The following HEATR3 variants were observed in gnomAD, a reference collection of about 807,000 sequenced individuals.
HEATR3 encodes the protein HEAT repeat-containing protein 3.
A neutral mutation model predicts 72.8 loss-of-function variants in HEATR3; 56 were observed. That is an observed-to-expected ratio of 0.77 (90% CI 0.62 to 0.96). HEATR3 has a LOEUF of 0.96. HEATR3 is among the 40% of genes least tolerant of loss of function. HEATR3 has a pLI of 0.00. For synonymous variants in HEATR3, 331 were observed against 318.1 expected, an observed-to-expected ratio of 1.04 and a Z score of -0.43; for missense variants, 747 against 831.4, an observed-to-expected ratio of 0.90 and a Z score of 1.25.
At chr16:50,094,670 A>G (rs751612756) in intron 11 of HEATR3, 35 bp from the exon 12 acceptor site, 1 of 1,308,596 alleles carries the variant, frequency 7.6e-7, no homozygotes, top group Non-Finnish European at 1.1e-6. Context: ...TATCTTGGAG[A>G]AATGCAAATT....
In HEATR3 at chr16:50,078,211, G is replaced by A. The variant is rs2036783791; in HGVS notation, c.764-530G>A. 2.0e-5 allele frequency among the ~76,000 whole-genome samples: 3 copies of A among 152,134 alleles called. No homozygotes were observed. In the South Asian group the frequency reaches 6.2e-4, roughly 32 times the overall value. Reference sequence around the variant, plus strand: ...TAATCTGTTCAAGTCCCTGCTTTCAGTTCTTTTGGGTTTATAGTCAGGAGG... The same window carrying A: ...TAATCTGTTCAAGTCCCTGCTTTCAATTCTTTTGGGTTTATAGTCAGGAGG... On this transcript the variant is annotated intron_variant, in intron 6 of 14. Coordinates refer to ENST00000299192, the MANE Select transcript of HEATR3 (RefSeq NM_182922.4).
At chr16:50,091,568 A>G (rs1039902741) in intron 11 of HEATR3, among the ~76,000 whole-genome samples, 30 of 152,104 alleles carry the variant, frequency 2.0e-4, no homozygotes. Context: ...GACATGCTAC[A>G]AATTCTTAAA....
At chr16:50,086,577 G>A (rs1312281476) in intron 11 of HEATR3, among the ~76,000 whole-genome samples, 1 of 152,162 alleles carries the variant, frequency 6.6e-6, no homozygotes, top group African/African-American at 2.4e-5. Flanking sequence ...TTTGCATCCA[G>A]TTATATCAGG....
intron 3 of HEATR3, 37 bp from the exon 4 acceptor site, chr16:50,070,141 T>G (rs749337296): frequency 1.1e-5 from 11 of 1,045,524 alleles, no homozygotes; most frequent in Non-Finnish European, 1.0e-5. Context: ...TAATTCTTCT[T>G]AGGAACCAGG....
chr16:50,078,662 A>G, intron 6 of HEATR3, 79 bp from the exon 7 acceptor site: 1 of 1,412,000 alleles, frequency 7.1e-7, no homozygotes, highest in Admixed American at 2.5e-5. Flanking sequence ...TGGCCTTAAA[A>G]GCTCCAGTCT....
intron 5 of HEATR3, among the ~76,000 whole-genome samples, chr16:50,075,183 G>A (rs1363668389): frequency 6.6e-6 from 1 of 151,734 alleles, no homozygotes; most frequent in Admixed American, 6.6e-5. Context: ...CAGGCATCAT[G>A]GCGCATACCT....
At chr16:50,093,302 T>TAAC (rs1420684610) in intron 11 of HEATR3, among the ~76,000 whole-genome samples, 1 of 152,170 alleles carries the variant, frequency 6.6e-6, no homozygotes, top group South Asian at 2.1e-4. Context: ...CTCTGTGACT[T>TAAC]AACAACAACA....
At chr16:50,100,463 C>G in intron 13 of HEATR3, 90 bp downstream of exon 13, 1 of 1,309,090 alleles carries the variant, frequency 7.6e-7, no homozygotes, top group Non-Finnish European at 1.1e-6. Flanking sequence ...CTTGTGTGGA[C>G]TTGAAGAGAA....
chr16:50,066,617 C>T, intron 2 of HEATR3, 78 bp downstream of exon 2: 2 of 1,208,812 alleles, frequency 1.7e-6, no homozygotes, highest in Non-Finnish European at 2.1e-6. Flanking sequence ...GCAGCGGTCA[C>T]CCAGCGCCTT....
Position 50,078,920 on chromosome 16 carries a change from A to T in HEATR3, c.943A>T (p.Asn315Tyr). 1 of 1,613,978 alleles carries T rather than the reference A, an allele frequency of 6.2e-7. No individual in the cohort carries two copies. Among genetic ancestry groups the T allele is most frequent in the East Asian group, 2.2e-5 (1 of 44,870 alleles). ...TGCAGAGGCTGAGGAAATATTAGAG[A>T]ACACTAATGGGGATGATTTGATTGA... ...TAAEAEEILE[N>Y]TNGDDLIEDD... The change falls in exon 7 of 15, where the codon AAC becomes TAC. Residue 315 changes from asparagine to tyrosine, a missense_variant. By Grantham distance (143) the Asn-to-Tyr change is moderately radical (BLOSUM62 -2). Transcript: ENST00000299192.
chr16:50,090,103 C>T (rs1255274529), intron 11 of HEATR3, among the ~76,000 whole-genome samples: 1 of 152,130 alleles, frequency 6.6e-6, no homozygotes, highest in Non-Finnish European at 1.5e-5. Context: ...CACCTGAAGT[C>T]CCAGCACTTT....
chr16:50,093,047 G>GCTGA (rs1186034014), intron 11 of HEATR3, among the ~76,000 whole-genome samples: 4 of 152,302 alleles, frequency 2.6e-5, no homozygotes, highest in Non-Finnish European at 5.9e-5. Context: ...CTATCCTAGG[G>GCTGA]CTGAGTGTGT....
At chr16:50,102,117 T>G in intron 13 of HEATR3, 142 bp from the exon 14 acceptor site, 2 of 599,500 alleles carry the variant, frequency 3.3e-6, no homozygotes, top group Non-Finnish European at 5.8e-6. Context: ...TTTATAAGTA[T>G]TTAAGTCTAA....
chr16:50,066,392 G>A lies in HEATR3; in HGVS notation c.164G>A (p.Arg55His). 6.5e-7 allele frequency: 1 copy of A among 1,548,828 alleles called. No individual in the cohort carries two copies. The highest frequency in any genetic ancestry group is 1.2e-5 in the South Asian group (1 of 85,438). The change falls in exon 2 of 15, where the codon CGC becomes CAC. Residue 55 changes from arginine (R) to histidine (H), a missense_variant. Arg to His is a conservative substitution (Grantham distance 29). This residue lies in a region of HEATR3 where 161 missense variants were observed against 122.6 expected (regional missense o/e 1.31). Coordinates refer to ENST00000299192, the MANE Select transcript of HEATR3 (RefSeq NM_182922.4). ...EKLQHPSAEVRECACAGLARL... is the reference protein window; with the variant it reads ...EKLQHPSAEVHECACAGLARL... ...CTCCAGCACCCGAGCGCCGAGGTCC[G>A]CGAGTGCGCCTGCGCAGGGCTGGCC...
Position 50,100,352 on chromosome 16 carries a change from T to C in HEATR3, c.1722T>C (p.Asp574=). 1.2e-6 allele frequency: 2 copies of C among 1,614,068 alleles called. No homozygotes were observed. The highest frequency in any genetic ancestry group is 1.7e-6 in the Non-Finnish European group (2 of 1,179,984). Residue 574 remains aspartate, a synonymous_variant, in exon 13 of 15, where the codon GAT becomes GAC. Transcript: ENST00000299192. Reference sequence around the variant, plus strand: ...CTGGCAGCGTCCTTGCCAAAGAAGATGGTACACTTGAAACTCTTAAGGTAA... The same window carrying C: ...CTGGCAGCGTCCTTGCCAAAGAAGACGGTACACTTGAAACTCTTAAGGTAA... ...GITGSVLAKE[D]GTLETLKNIG...
At chr16:50,102,235 C>G (rs772061589) in intron 13 of HEATR3, 24 bp from the exon 14 acceptor site, 37 of 1,602,594 alleles carry the variant, frequency 2.3e-5, no homozygotes, top group Non-Finnish European at 3.1e-5. Flanking sequence ...GTTAGTCATA[C>G]TAAATGTGTT....
At chr16:50,092,430 TTTTTTC>T (rs1417270131) in intron 11 of HEATR3, among the ~76,000 whole-genome samples, 2 of 20,278 alleles carry the variant, frequency 9.9e-5, no homozygotes, top group Admixed American at 8.7e-4. Flanking sequence ...TTTTTTTTTC[TTTTTTC>T]TTTTTTTTTT....
chr16:50,096,869 A>G (rs1418164380), intron 12 of HEATR3, among the ~76,000 whole-genome samples: 1 of 152,174 alleles, frequency 6.6e-6, no homozygotes, highest in East Asian at 1.9e-4. Flanking sequence ...CTCTTAGTCT[A>G]TAGCATTTCC....
Position 50,075,614 on chromosome 16 carries a change from GA to G in HEATR3, c.668del (p.Lys223SerfsTer8), listed in dbSNP as rs2036708886. The G allele has an allele frequency of 6.2e-7, 1 of 1,613,658 alleles. No homozygotes were observed. The highest frequency in any genetic ancestry group is 8.5e-7 in the Non-Finnish European group (1 of 1,179,694). The part of the protein sequence containing the change: ...TVTEDNPELL[K>X]SFSATALNML... ...TGACTGAGGATAACCCAGAGCTGCTGAAGTCTTTCAGTGCTACAGCATTGAA... is the reference window on the plus strand; with the variant it reads ...TGACTGAGGATAACCCAGAGCTGCTGAGTCTTTCAGTGCTACAGCATTGAA... On this transcript the variant is annotated frameshift_variant, in exon 6 of 15. Coordinates refer to ENST00000299192, the MANE Select transcript of HEATR3 (RefSeq NM_182922.4). LOFTEE classifies it high-confidence loss of function.
Sources: gnomAD v4.1 joint callset for allele counts (sites outside exome capture counted in the v4.1 genomes callset) on GRCh38, gnomAD v4.1.1 for gene constraint, gnomAD v4.1.1 regional missense constraint, MANE v1.5 for transcripts, NCBI Gene and HGNC (gene_info 2026-07-23, HGNC 2026-07-21) for gene names.